UGT2A1: variants seen among roughly 807,000 people sequenced by gnomAD.
UGT2A1 encodes the protein UDP-glucuronosyltransferase 2A1.
A neutral mutation model predicts 45.4 loss-of-function variants in UGT2A1; 61 were observed. The observed-to-expected ratio is 1.34, with a 90% CI of 1.09 to 1.66. The LOEUF is 1.66. Ranked by LOEUF, UGT2A1 falls within the 40% of genes most tolerant of loss-of-function variation. The pLI, the probability that UGT2A1 is intolerant of heterozygous loss-of-function variation, is 0.00. For missense variants in UGT2A1, 649 were observed against 574.3 expected (o/e 1.13, Z -1.33); for synonymous variants, 229 against 196.2 (o/e 1.17, Z -1.40).
chr4:69,651,954 C>A (rs1039113616), intron 1 of UGT2A1, among the ~76,000 whole-genome samples: 1 of 152,156 alleles, frequency 6.6e-6, no homozygotes, highest in Non-Finnish European at 1.5e-5. Context: ...GTCCTAGGAT[C>A]GAGGTTAAAC....
intron 3 of UGT2A1, among the ~76,000 whole-genome samples, chr4:69,624,170 C>G (rs1236551630): frequency 6.6e-6 from 1 of 151,500 alleles, no homozygotes; most frequent in Non-Finnish European, 1.5e-5. Flanking sequence ...CTCTTAGGTA[C>G]ACACATATTT....
At chr4:69,590,771 G>A (rs139163824) in intron 6 of UGT2A1, among the ~76,000 whole-genome samples, 5 of 152,008 alleles carry the variant, frequency 3.3e-5, no homozygotes, top group African/African-American at 1.2e-4. Flanking sequence ...CAAAAAATAA[G>A]AAGAAGAAAG....
chr4:69,626,177 T>G (rs1416430942), intron 3 of UGT2A1, among the ~76,000 whole-genome samples: 1 of 151,430 alleles, frequency 6.6e-6, no homozygotes, highest in Non-Finnish European at 1.5e-5. Context: ...TGTTAAATAT[T>G]TGGACGCTTT....
At chr4:69,617,728 G>A (rs72637475) in intron 3 of UGT2A1, among the ~76,000 whole-genome samples, 30 of 151,766 alleles carry the variant, frequency 2.0e-4, no homozygotes, top group Non-Finnish European at 3.2e-4. Context: ...ATTATTGGGA[G>A]TTAACATTTC....
At chr4:69,651,947 C>G (rs1358808849) in intron 1 of UGT2A1, among the ~76,000 whole-genome samples, 3 of 152,200 alleles carry the variant, frequency 2.0e-5, no homozygotes, top group African/African-American at 2.4e-5. Context: ...CTATAAAGTC[C>G]TAGGATCGAG....
In UGT2A1 at chr4:69,599,290, A is replaced by C; in HGVS notation, c.952T>G (p.Phe318Val). The C allele has an allele frequency of 4.3e-6, 7 of 1,613,852 alleles. No homozygotes were observed. The highest frequency in any genetic ancestry group is 5.9e-6 in the Non-Finnish European group (7 of 1,179,908). Residue 318 changes from phenylalanine to valine, a missense_variant, in exon 4 of 7, where the codon TTT becomes GTT. Coordinates refer to ENST00000286604, the MANE Select transcript of UGT2A1 (RefSeq NM_001252275.3). ...GGTTTGCAGTGCAATCCTCCAACAA[A>C]CTCAAAATTAGGTAAGTATGGACGA... ...FPRPYLPNFE[F>V]VGGLHCKPAK...
chr4:69,589,204 A>T lies in UGT2A1; in HGVS notation c.*168T>A. 1 of 881,422 alleles carries T rather than the reference A, an allele frequency of 1.1e-6. No homozygotes were observed. Among genetic ancestry groups the T allele is most frequent in the African/African-American group, 1.7e-5 (1 of 59,220 alleles). 54.6% of individuals were successfully genotyped at this position (881,422 alleles called of 1,614,324 possible). The stretch of plus-strand genomic sequence containing the variant: ...CTCACAAGTTAATAATAATCATGCC[A>T]AAATCTAGGCTTTATCAGTAGGCTT... On this transcript the variant is annotated 3_prime_UTR_variant, in exon 7 of 7. Coordinates refer to ENST00000286604, the MANE Select transcript of UGT2A1 (RefSeq NM_001252275.3).
chr4:69,588,930 G>C lies in UGT2A1; in HGVS notation c.*442C>G, dbSNP rs972422746. Reference sequence around the variant, plus strand: ...CATAACACACTACTCTCCTACGGTGGCTCCCTGATTTGTTTGGTATATGGA... The same window carrying C: ...CATAACACACTACTCTCCTACGGTGCCTCCCTGATTTGTTTGGTATATGGA... On this transcript the variant is annotated 3_prime_UTR_variant, in exon 7 of 7. Transcript: ENST00000286604. The C allele has an allele frequency of 6.5e-6, 1 of 153,684 alleles. No homozygotes were observed. Among genetic ancestry groups the C allele is most frequent in the African/African-American group, 2.4e-5 (1 of 41,374 alleles). The allele number at this position is 153,684 out of a possible 1,614,324, so 9.5% of individuals were successfully genotyped here. A position where few individuals can be genotyped will look rare whatever the true frequency, so the allele number is the denominator to read the frequency against.
chr4:69,642,437 A>C (rs1484436283), intron 2 of UGT2A1, among the ~76,000 whole-genome samples: 2 of 151,798 alleles, frequency 1.3e-5, no homozygotes, highest in African/African-American at 2.4e-5. Flanking sequence ...AATGATTAGT[A>C]AGAAAGAGAA....
chr4:69,623,374 T>C (rs1023833895), intron 3 of UGT2A1, among the ~76,000 whole-genome samples: 3 of 151,718 alleles, frequency 2.0e-5, no homozygotes, highest in African/African-American at 7.3e-5. Flanking sequence ...GTAATTTTTG[T>C]GAGAATCATC....
intron 3 of UGT2A1, among the ~76,000 whole-genome samples, chr4:69,616,539 A>G (rs1042348606): frequency 6.6e-6 from 1 of 151,966 alleles, no homozygotes; most frequent in Admixed American, 6.6e-5. Flanking sequence ...ATGAAAACTT[A>G]AACAATTATA....
chr4:69,589,412 T>C lies in UGT2A1; in HGVS notation c.1544A>G (p.Gln515Arg). ...LVIQCCLFSC[Q>R]KFGKIGKKKK... ...CTTCTTTCCTATCTTACCAAATTTT[T>C]GACAGGAAAACAAACAACATTGTAT... The change falls in exon 7 of 7, where the codon CAA becomes CGA. Residue 515 changes from glutamine to arginine, a missense_variant. By Grantham distance (43) the Gln-to-Arg change is conservative (BLOSUM62 1). Coordinates refer to ENST00000286604, the MANE Select transcript of UGT2A1 (RefSeq NM_001252275.3). 6.2e-7 allele frequency: 1 copy of C among 1,613,678 alleles called. No homozygotes were observed. The highest frequency in any genetic ancestry group is 1.3e-5 in the African/African-American group (1 of 75,016).
chr4:69,649,698 A>T (rs1250269131), intron 1 of UGT2A1, among the ~76,000 whole-genome samples: 1 of 152,058 alleles, frequency 6.6e-6, no homozygotes, highest in Non-Finnish European at 1.5e-5. Flanking sequence ...ATACATATAC[A>T]TATACATGCT....
intron 6 of UGT2A1, 124 bp from the exon 7 acceptor site, chr4:69,589,775 C>A (rs1718485358): frequency 2.2e-6 from 3 of 1,348,724 alleles, no homozygotes; most frequent in Admixed American, 2.7e-5. Flanking sequence ...AAATATAATT[C>A]TTGCATGAAC....
chr4:69,645,902 A>G (rs190902128), intron 2 of UGT2A1, among the ~76,000 whole-genome samples: 10 of 151,860 alleles, frequency 6.6e-5, no homozygotes, highest in African/African-American at 1.9e-4. Context: ...TTTTGTCTTC[A>G]ACTTTGAGCA....
Position 69,588,812 on chromosome 4 carries a change from G to C in UGT2A1, c.*560C>G, listed in dbSNP as rs977499148. On this transcript the variant is annotated 3_prime_UTR_variant, in exon 7 of 7. Coordinates refer to ENST00000286604, the MANE Select transcript of UGT2A1 (RefSeq NM_001252275.3). The stretch of plus-strand genomic sequence containing the variant: ...AATTTTGTAGACATTTAATAGGGAC[G>C]CACGTCACACTTAAAATTCATTCTC... 6.6e-6 allele frequency: 1 copy of C among 151,984 alleles called. No homozygotes were observed. The highest frequency in any genetic ancestry group is 1.5e-5 in the Non-Finnish European group (1 of 68,044). The allele number at this position is 151,984 out of a possible 1,614,324, so 9.4% of individuals were successfully genotyped here. A position where few individuals can be genotyped will look rare whatever the true frequency, so the allele number is the denominator to read the frequency against.
chr4:69,632,240 A>T (rs1038568187), intron 3 of UGT2A1, among the ~76,000 whole-genome samples: 1 of 152,190 alleles, frequency 6.6e-6, no homozygotes, highest in African/African-American at 2.4e-5. Flanking sequence ...ATTTGCTACC[A>T]TGAAGGAAGA....
At chr4:69,626,291 A>G (rs911611910) in intron 3 of UGT2A1, among the ~76,000 whole-genome samples, 1 of 151,428 alleles carries the variant, frequency 6.6e-6, no homozygotes, top group East Asian at 1.9e-4. Context: ...TTATTCCACC[A>G]AAGAGGCCAT....
chr4:69,599,157 A>G, intron 4 of UGT2A1, 89 bp downstream of exon 4: 1 of 1,456,948 alleles, frequency 6.9e-7, no homozygotes, highest in South Asian at 1.5e-5. Flanking sequence ...GTCCAGCAGC[A>G]TTTATTTGTT....
Sources: allele counts gnomAD v4.1 joint callset (sites outside exome capture counted in the v4.1 genomes callset), GRCh38; gene constraint gnomAD v4.1.1; transcripts MANE v1.5; gene names NCBI Gene and HGNC (gene_info 2026-07-23, HGNC 2026-07-21).